ASTN2: variants seen among roughly 807,000 people sequenced by gnomAD.
ASTN2 encodes astrotactin-2.
Under a neutral mutation model 139.8 loss-of-function variants are expected in ASTN2, and 54 were observed. That is an observed-to-expected ratio of 0.39 (90% CI 0.31 to 0.48). ASTN2 has a LOEUF of 0.48. Ranked by LOEUF, ASTN2 falls within the 20% of genes least tolerant of loss-of-function variation. ASTN2 has a pLI of 0.95. For synonymous variants in ASTN2, 756 were observed against 719.5 expected (o/e 1.05, Z -0.81); for missense variants, 1,565 against 1,725.1 (o/e 0.91, Z 1.64).
chr9:116,859,720 G>T (rs1396840038), intron 11 of ASTN2, among the ~76,000 whole-genome samples: 2 of 152,226 alleles, frequency 1.3e-5, no homozygotes, highest in African/African-American at 4.8e-5. Flanking sequence ...ATGAGGGGGT[G>T]CAGAATATCA....
At chr9:116,539,275 A>G (rs552746596) in intron 19 of ASTN2, among the ~76,000 whole-genome samples, 1 of 152,240 alleles carries the variant, frequency 6.6e-6, no homozygotes, top group East Asian at 1.9e-4. Flanking sequence ...CGTGGTGATA[A>G]TCGCACAACT....
chr9:117,353,719 C>T (rs1829455311), intron 1 of ASTN2, among the ~76,000 whole-genome samples: 1 of 152,120 alleles, frequency 6.6e-6, no homozygotes, highest in Non-Finnish European at 1.5e-5. Flanking sequence ...GTAACATTGC[C>T]CTAATCGCGC....
intron 1 of ASTN2, among the ~76,000 whole-genome samples, chr9:117,305,600 T>C (rs1456327396): frequency 1.3e-5 from 2 of 152,234 alleles, no homozygotes; most frequent in Non-Finnish European, 2.9e-5. Flanking sequence ...AGTAGCGTCA[T>C]AATAATCACT....
chr9:116,780,037 T>A (rs1830177097), intron 13 of ASTN2, among the ~76,000 whole-genome samples: 1 of 152,200 alleles, frequency 6.6e-6, no homozygotes, highest in Admixed American at 6.5e-5. Flanking sequence ...ACACATTCAT[T>A]CACTCACCCA....
intron 4 of ASTN2, among the ~76,000 whole-genome samples, chr9:117,123,258 A>G (rs1829604413): frequency 6.6e-6 from 1 of 151,830 alleles, no homozygotes; most frequent in South Asian, 2.1e-4. Context: ...GGATGCAAAA[A>G]CAGACCTGTG....
chr9:117,299,076 G>T (rs1834810941), intron 1 of ASTN2, among the ~76,000 whole-genome samples: 1 of 152,076 alleles, frequency 6.6e-6, no homozygotes, highest in Admixed American at 6.6e-5. Flanking sequence ...GTGAGATAGG[G>T]GAAGTTCATA....
chr9:116,740,606 G>A (rs370462438), intron 13 of ASTN2, among the ~76,000 whole-genome samples: 1 of 151,712 alleles, frequency 6.6e-6, no homozygotes, highest in Non-Finnish European at 1.5e-5. Flanking sequence ...TCCGCCTCCC[G>A]GGTTCACGCC....
intron 6 of ASTN2, among the ~76,000 whole-genome samples, chr9:117,025,419 G>A (rs1209485796): frequency 6.6e-6 from 1 of 152,116 alleles, no homozygotes; most frequent in Non-Finnish European, 1.5e-5. Flanking sequence ...TGTGACACCA[G>A]CTCCCATCAC....
chr9:117,019,389 C>CA (rs1837807309), intron 6 of ASTN2, among the ~76,000 whole-genome samples: 2 of 152,022 alleles, frequency 1.3e-5, no homozygotes, highest in Non-Finnish European at 2.9e-5. Flanking sequence ...CAAAAATCAG[C>CA]GGTTTCAACA....
At chr9:116,609,379 G>GTATATCTATATATATA (rs1554720196) in intron 19 of ASTN2, among the ~76,000 whole-genome samples, 1 of 116,726 alleles carries the variant, frequency 8.6e-6, no homozygotes, top group Non-Finnish European at 1.8e-5. Flanking sequence ...ATATATGGGT[G>GTATATCTATATATATA]TATATATATA....
At chr9:116,438,465 G>T (rs1049375952) in intron 22 of ASTN2, among the ~76,000 whole-genome samples, 2 of 152,154 alleles carry the variant, frequency 1.3e-5, no homozygotes, top group African/African-American at 4.8e-5. Flanking sequence ...CCACTACACA[G>T]AAATTCTTCA....
intron 11 of ASTN2, among the ~76,000 whole-genome samples, chr9:116,838,611 T>G (rs1376649021): frequency 2.3e-5 from 3 of 132,780 alleles, no homozygotes; most frequent in Non-Finnish European, 4.8e-5. Context: ...TTTTTTTCAG[T>G]AGAGATGGAG....
chr9:117,184,105 C>CA (rs1403984411), intron 3 of ASTN2, among the ~76,000 whole-genome samples: 1 of 152,176 alleles, frequency 6.6e-6, no homozygotes, highest in Non-Finnish European at 1.5e-5. Flanking sequence ...CCTCACAATC[C>CA]ATCTGCCCAC....
At chr9:116,680,929 CA>C (rs1310122467) in intron 16 of ASTN2, among the ~76,000 whole-genome samples, 12 of 152,150 alleles carry the variant, frequency 7.9e-5, no homozygotes, top group African/African-American at 2.9e-4. Flanking sequence ...ACTGAATAGA[CA>C]AAAACTGGAA....
intron 11 of ASTN2, among the ~76,000 whole-genome samples, chr9:116,851,430 A>G (rs1306798839): frequency 6.6e-6 from 1 of 151,974 alleles, no homozygotes; most frequent in African/African-American, 2.4e-5. Flanking sequence ...AATGTTTTAC[A>G]TATTTTTCTA....
intron 17 of ASTN2, among the ~76,000 whole-genome samples, chr9:116,625,668 C>T (rs1856413808): frequency 6.6e-6 from 1 of 152,108 alleles, no homozygotes; most frequent in Non-Finnish European, 1.5e-5. Context: ...GCTTATGACT[C>T]TTCTCCCATC....
chr9:117,181,728 TA>T (rs1302630092), intron 3 of ASTN2, among the ~76,000 whole-genome samples: 1 of 152,150 alleles, frequency 6.6e-6, no homozygotes, highest in African/African-American at 2.4e-5. Flanking sequence ...GTGTATTAAA[TA>T]AAGAAATCCA....
intron 1 of ASTN2, among the ~76,000 whole-genome samples, chr9:117,311,932 C>A (rs558163487): frequency 6.6e-6 from 1 of 152,244 alleles, no homozygotes; most frequent in Middle Eastern, 3.4e-3. Flanking sequence ...GCCCACCCCC[C>A]ATTATGACCA....
chr9:117,046,035 C>T (rs1162718928), intron 5 of ASTN2, among the ~76,000 whole-genome samples: 1 of 146,652 alleles, frequency 6.8e-6, no homozygotes, highest in African/African-American at 2.5e-5. Context: ...TAGTCTCACT[C>T]TGTCACCCAG....
Sources: allele counts gnomAD v4.1 joint callset (sites outside exome capture counted in the v4.1 genomes callset), GRCh38; gene constraint gnomAD v4.1.1; transcripts MANE v1.5; gene names NCBI Gene and HGNC (gene_info 2026-07-23, HGNC 2026-07-21).